The following RELCH variants were observed in gnomAD, a reference collection of about 807,000 sequenced individuals.
RELCH encodes RAB11-binding protein RELCH.
Under a neutral mutation model 150.3 loss-of-function variants are expected in RELCH, and 41 were observed. The observed-to-expected ratio is 0.27, with a 90% CI of 0.21 to 0.35. The LOEUF (loss-of-function observed/expected upper bound fraction) is 0.35. RELCH is among the 10% of genes least tolerant of loss of function. The pLI is 1.00. For missense variants in RELCH, 1,092 were observed against 1,467.8 expected (o/e 0.74, Z 4.18); for synonymous variants, 478 against 531.8 (o/e 0.90, Z 1.39).
At chr18:62,291,034 T>G (rs78249904) in intron 26 of RELCH, among the ~76,000 whole-genome samples, 1 of 152,176 alleles carries the variant, frequency 6.6e-6, no homozygotes, top group Non-Finnish European at 1.5e-5. Context: ...TTAAAGTTCT[T>G]TAAAGAGGAT....
At chr18:62,245,330 ATGTTC>A (rs1466226603) in intron 11 of RELCH, among the ~76,000 whole-genome samples, 1 of 152,198 alleles carries the variant, frequency 6.6e-6, no homozygotes, top group African/African-American at 2.4e-5. Flanking sequence ...CCTTCTCAAA[ATGTTC>A]AGTTTCGGCC....
chr18:62,228,263 C>T (rs779520393), intron 7 of RELCH, 42 bp from the exon 8 acceptor site: 17 of 1,491,188 alleles, frequency 1.1e-5, no homozygotes, highest in Non-Finnish European at 1.3e-5. Context: ...TTCAAAAATA[C>T]AGTTGTCCTC....
At chr18:62,279,920 C>A in intron 23 of RELCH, 64 bp downstream of exon 23, 1 of 971,922 alleles carries the variant, frequency 1.0e-6, no homozygotes, top group Non-Finnish European at 1.6e-6. Flanking sequence ...CAAGAAATAA[C>A]CATCAGCTCT....
Position 62,258,643 on chromosome 18 carries a change from T to C in RELCH, c.2169T>C (p.Leu723=). 1 of 1,593,954 alleles carries C rather than the reference T, an allele frequency of 6.3e-7. No homozygotes were observed. Residue 723 remains leucine, a synonymous_variant, in exon 15 of 29, where the codon CTT becomes CTC. Transcript: ENST00000644646. ...ELGNLQSHLI[L]TLLNKIEKLL... is the part of the protein sequence containing the mutation. The stretch of plus-strand genomic sequence containing the variant: ...GAAATTTACAGTCTCATCTTATACT[T>C]ACACTACTGAACAAGATTGAAAAAC...
In RELCH at chr18:62,282,389, C is replaced by G; in HGVS notation, c.3198C>G (p.Ile1066Met). Residue 1066 changes from isoleucine (I) to methionine (M), a missense_variant, in exon 25 of 29, where the codon ATC (isoleucine) becomes ATG (methionine). By Grantham distance (10) the Ile-to-Met change is conservative (BLOSUM62 1). Around this residue, in one of 4 missense-constraint regions of RELCH, gnomAD observed 707 missense variants for 1,025.4 expected, o/e 0.69. Transcript: ENST00000644646. Reference sequence around the variant, plus strand: ...ACCAACATTCTTTGCATACAGAGATCATAAAAACATTTGGTAGAGTTGGCC... The same window carrying G: ...ACCAACATTCTTTGCATACAGAGATGATAAAAACATTTGGTAGAGTTGGCC... ...YQDQHSLHTE[I>M]IKTFGRVGPN... is the part of the protein sequence containing the mutation. The G allele has an allele frequency of 1.2e-6, 2 of 1,612,698 alleles. No individual in the cohort carries two copies. The highest frequency in any genetic ancestry group is 1.7e-6 in the Non-Finnish European group (2 of 1,179,478).
At chr18:62,297,167 A>G (rs1307765051) in intron 27 of RELCH, among the ~76,000 whole-genome samples, 1 of 152,212 alleles carries the variant, frequency 6.6e-6, no homozygotes, top group Non-Finnish European at 1.5e-5. Context: ...TGAAAACCAT[A>G]CTGAAAAGAG....
intron 8 of RELCH, among the ~76,000 whole-genome samples, chr18:62,229,561 C>T (rs1161538916): frequency 6.6e-6 from 1 of 150,498 alleles, no homozygotes. Flanking sequence ...AGAACTGAAA[C>T]AGACATGGCC....
In RELCH at chr18:62,187,769, C is replaced by G; in HGVS notation, c.264C>G (p.Thr88=). 6.2e-7 allele frequency: 1 copy of G among 1,609,592 alleles called. No homozygotes were observed. Among genetic ancestry groups the G allele is most frequent in the Non-Finnish European group, 8.5e-7 (1 of 1,177,870 alleles). The change falls in exon 1 of 29, where the codon ACC becomes ACG. Residue 88 remains threonine (T), a synonymous_variant. Transcript: ENST00000644646. ...TGGCCCTGGGGGGCACCGGGGAGAC[C>G]CCGGCCCGATTATCAATTGATGCGA... The part of the protein sequence containing the change: ...AAVALGGTGE[T]PARLSIDAIA...
intron 25 of RELCH, 148 bp downstream of exon 25, chr18:62,282,592 A>T: frequency 1.4e-6 from 1 of 738,500 alleles, no homozygotes. Flanking sequence ...ACTCTTGTGT[A>T]CTGAAAGCTA....
intron 19 of RELCH, among the ~76,000 whole-genome samples, chr18:62,267,231 C>T (rs946895230): frequency 6.6e-6 from 1 of 151,770 alleles, no homozygotes; most frequent in Non-Finnish European, 1.5e-5. Flanking sequence ...AGTTTTCACT[C>T]ATCTACTTTA....
chr18:62,280,061 G>A (rs1013191478), intron 23 of RELCH, among the ~76,000 whole-genome samples: 1 of 152,026 alleles, frequency 6.6e-6, no homozygotes, highest in African/African-American at 2.4e-5. Flanking sequence ...GTAATTTGGA[G>A]GCCACGTATT....
At chr18:62,291,222 T>C (rs2045114692) in intron 26 of RELCH, among the ~76,000 whole-genome samples, 1 of 152,254 alleles carries the variant, frequency 6.6e-6, no homozygotes, top group Non-Finnish European at 1.5e-5. Flanking sequence ...TTTATACTTT[T>C]TTCATATTCA....
chr18:62,220,129 C>T (rs2040757312), intron 2 of RELCH, among the ~76,000 whole-genome samples: 1 of 152,010 alleles, frequency 6.6e-6, no homozygotes, highest in Non-Finnish European at 1.5e-5. Flanking sequence ...TAATCACACT[C>T]TGTGATAATA....
chr18:62,279,206 C>CT lies in RELCH; in HGVS notation c.2968-565dup, dbSNP rs1429297418. Among the ~76,000 whole-genome samples, 4 of 152,252 alleles carry CT rather than the reference C, an allele frequency of 2.6e-5. No individual in the cohort carries two copies. The East Asian group carries it at 7.7e-4, about 29-fold the overall frequency. ...CCAGATCTGATTCCCAAGTGTAATA[C>CT]TTTCCAATAGGCAGCCTTATATCTC... On this transcript the variant is annotated intron_variant, in intron 22 of 28. Transcript: ENST00000644646.
At chr18:62,280,108 A>G (rs2044425475) in intron 23 of RELCH, among the ~76,000 whole-genome samples, 1 of 152,228 alleles carries the variant, frequency 6.6e-6, no homozygotes, top group Non-Finnish European at 1.5e-5. Flanking sequence ...CTCAATAAAT[A>G]CTTCCAGAAC....
chr18:62,267,434 A>ATG (rs145946546), intron 19 of RELCH, among the ~76,000 whole-genome samples: 3,788 of 143,476 alleles, frequency 0.026, 83 homozygotes, highest in African/African-American at 0.053. Flanking sequence ...GTATATATGT[A>ATG]TGTGTGTGTG....
intron 28 of RELCH, among the ~76,000 whole-genome samples, chr18:62,299,627 A>T (rs558366292): frequency 1.3e-5 from 2 of 152,316 alleles, no homozygotes; most frequent in South Asian, 4.1e-4. Context: ...AGTCTTCTCC[A>T]TATATATCCA....
At chr18:62,241,249 T>C (rs9945362) in intron 10 of RELCH, among the ~76,000 whole-genome samples, 21,734 of 152,086 alleles carry the variant, frequency 0.14, 1,842 homozygotes, top group African/African-American at 0.24. Flanking sequence ...TACCCACAAC[T>C]GTCTTGGCAA....
chr18:62,282,364 A>G lies in RELCH; in HGVS notation c.3173A>G (p.Asp1058Gly), dbSNP rs1000751130. The change falls in exon 25 of 29, where the codon GAC (aspartate) becomes GGC (glycine). Residue 1058 changes from aspartate to glycine, a missense_variant. Coordinates refer to ENST00000644646, the MANE Select transcript of RELCH (RefSeq NM_001346231.2). ...ASFLEDPQYQ[D>G]QHSLHTEIIK... The stretch of plus-strand genomic sequence containing the variant: ...TTCCTGGAAGATCCTCAGTATCAAG[A>G]CCAACATTCTTTGCATACAGAGATC... 1 of 1,612,854 alleles carries G rather than the reference A, an allele frequency of 6.2e-7. No individual in the cohort carries two copies. The highest frequency in any genetic ancestry group is 1.3e-5 in the African/African-American group (1 of 74,850).
Sources: gnomAD v4.1 joint callset for allele counts (sites outside exome capture counted in the v4.1 genomes callset) on GRCh38, gnomAD v4.1.1 for gene constraint, gnomAD v4.1.1 regional missense constraint, MANE v1.5 for transcripts, NCBI Gene and HGNC (gene_info 2026-07-23, HGNC 2026-07-21) for gene names.